Variants in PLEKHM1 observed in about 807,000 individuals in gnomAD.
The protein encoded by PLEKHM1 is pleckstrin homology and RUN domain containing M1, also known as pleckstrin homology domain-containing family M member 1.
In PLEKHM1, 28 loss-of-function variants were observed where a neutral mutation model predicts 94.3. The observed-to-expected ratio is 0.30, with a 90% CI of 0.22 to 0.41. The LOEUF (loss-of-function observed/expected upper bound fraction) is 0.41. Ranked by LOEUF, PLEKHM1 falls within the 10% of genes least tolerant of loss-of-function variation. PLEKHM1 has a pLI of 1.00. For synonymous variants in PLEKHM1, 424 were observed against 581.2 expected (o/e 0.73, Z 3.89); for missense variants, 907 against 1,358.6 (o/e 0.67, Z 5.22).
chr17:45,476,196 C>T (rs2051729913), intron 3 of PLEKHM1: 1 of 141,602 alleles, frequency 7.1e-6, no homozygotes, highest in Admixed American at 7.4e-5. Context: ...TATATTTATA[C>T]ATTATATATA....
rs758882817 is a variant in PLEKHM1, at chr17:45,437,684, C to T, written c.*174G>A. On this transcript the variant is annotated 3_prime_UTR_variant, in exon 12 of 12. Transcript: ENST00000430334. The surrounding 1 kb of genome is among the most constrained non-coding windows in gnomAD (Gnocchi z 4.0). ...GTGGGGGGAGGGCCAGGGGACACCA[C>T]GGGGACTTCCTGGGCTTTCTCTGGG... The T allele has an allele frequency of 2.9e-6, 2 of 700,632 alleles. No individual in the cohort carries two copies. Among genetic ancestry groups the T allele is most frequent in the East Asian group, 2.7e-5 (1 of 36,952 alleles). 43.4% of individuals were successfully genotyped at this position (700,632 alleles called of 1,614,324 possible).
At chr17:45,475,880 G>A in intron 3 of PLEKHM1, 154 bp from the exon 4 acceptor site, 1 of 825,656 alleles carries the variant, frequency 1.2e-6, no homozygotes, top group Non-Finnish European at 2.0e-6. Context: ...AGATGTGGTG[G>A]CTCACACCTG....
chr17:45,487,500 G>T (rs993596566), intron 1 of PLEKHM1, among the ~76,000 whole-genome samples: 6 of 152,180 alleles, frequency 3.9e-5, no homozygotes, highest in Non-Finnish European at 7.3e-5. Flanking sequence ...AAACCAACAA[G>T]AAACAGTTCT....
intron 4 of PLEKHM1, among the ~76,000 whole-genome samples, chr17:45,469,966 A>G (rs2684543): frequency 1 from 151,620 of 151,726 alleles, 75,758 homozygotes; most frequent in South Asian, 1. Context: ...CCAGCTACTC[A>G]GGAGGCTGAG....
chr17:45,437,962 C>T lies in PLEKHM1; in HGVS notation c.3067G>A (p.Glu1023Lys), dbSNP rs755134124. 14 of 1,612,928 alleles carry T rather than the reference C, an allele frequency of 8.7e-6. No individual in the cohort carries two copies. Among genetic ancestry groups the T allele is most frequent in the East Asian group, 6.7e-5 (3 of 44,892 alleles). Reference protein sequence around the residue: ...FEFDTTVRCAECKTVFHQSCQ... With the variant: ...FEFDTTVRCAKCKTVFHQSCQ... ...CTCTGGTGGAAGACGGTCTTGCACTCGGCACACCTGGGGAGAGAGCAGTAG... is the reference window on the plus strand; with the variant it reads ...CTCTGGTGGAAGACGGTCTTGCACTTGGCACACCTGGGGAGAGAGCAGTAG... The change falls in exon 12 of 12, where the codon GAG becomes AAG. Residue 1023 changes from glutamate to lysine, a missense_variant. Transcript: ENST00000430334. This position sits in a 1 kb window ranked among gnomAD's most constrained non-coding sequence, Gnocchi z 4.0.
chr17:45,469,608 G>A (rs1354347405), intron 4 of PLEKHM1, among the ~76,000 whole-genome samples: 3 of 152,220 alleles, frequency 2.0e-5, no homozygotes, highest in Non-Finnish European at 4.4e-5. Flanking sequence ...GGCTTGGACT[G>A]GGTCCAGAAG....
At chr17:45,458,654 A>G (rs192099563) in intron 5 of PLEKHM1, among the ~76,000 whole-genome samples, 1 of 151,972 alleles carries the variant, frequency 6.6e-6, no homozygotes, top group Non-Finnish European at 1.5e-5. Context: ...TATTTTTAGT[A>G]GAGGCGGGGT....
At chr17:45,438,741 G>C (rs886353047) in intron 11 of PLEKHM1, among the ~76,000 whole-genome samples, 1 of 151,928 alleles carries the variant, frequency 6.6e-6, no homozygotes, top group Non-Finnish European at 1.5e-5. Flanking sequence ...GTTTTTAGTG[G>C]AGACGGGGTT....
At chr17:45,460,970 C>T (rs1597959696) in intron 5 of PLEKHM1, among the ~76,000 whole-genome samples, 3 of 152,138 alleles carry the variant, frequency 2.0e-5, no homozygotes, top group Admixed American at 6.5e-5. Context: ...CTGCAAGCTC[C>T]GCTTCCCGGG....
intron 5 of PLEKHM1, 82 bp downstream of exon 5, chr17:45,468,127 C>T (rs906995253): frequency 6.3e-7 from 1 of 1,584,526 alleles, no homozygotes; most frequent in Non-Finnish European, 8.6e-7. Context: ...AAGGCAGAGA[C>T]CACTCAGGGT....
At chr17:45,461,410 A>G (rs1252900201) in intron 5 of PLEKHM1, among the ~76,000 whole-genome samples, 1 of 152,066 alleles carries the variant, frequency 6.6e-6, no homozygotes, top group Non-Finnish European at 1.5e-5. Context: ...TAGTTTATCT[A>G]TTTTTGTTGT....
chr17:45,435,759 A>G (rs1302288175), downstream of PLEKHM1: 8 of 359,482 alleles, frequency 2.2e-5, no homozygotes, highest in Non-Finnish European at 4.4e-5. Flanking sequence ...CCCTCTGCCT[A>G]CAAGTGTTTG....
At chr17:45,464,140 C>T (rs2051243532) in intron 5 of PLEKHM1, 1 of 152,228 alleles carries the variant, frequency 6.6e-6, no homozygotes, top group East Asian at 1.9e-4. Flanking sequence ...CCCCCAGATC[C>T]CAGACATGCA....
chr17:45,480,416 G>A (rs2051912874), intron 2 of PLEKHM1, among the ~76,000 whole-genome samples: 1 of 152,010 alleles, frequency 6.6e-6, no homozygotes, highest in Non-Finnish European at 1.5e-5. Context: ...CCTGGGAGGT[G>A]GAGTTTGTAG....
chr17:45,459,829 G>A (rs1400171086), intron 5 of PLEKHM1: 2 of 136,126 alleles, frequency 1.5e-5, no homozygotes, highest in African/African-American at 2.6e-5. Context: ...TTAAAATGGG[G>A]CTGTCTTTTT....
intron 1 of PLEKHM1, among the ~76,000 whole-genome samples, chr17:45,486,240 A>ATAT (rs1555588808): frequency 7.0e-6 from 1 of 142,862 alleles, no homozygotes; most frequent in Admixed American, 7.3e-5. Context: ...TAAAATAAAA[A>ATAT]AATAATAATA....
At chr17:45,459,084 C>T (rs1436841725) in intron 5 of PLEKHM1, among the ~76,000 whole-genome samples, 6 of 152,018 alleles carry the variant, frequency 3.9e-5, no homozygotes, top group African/African-American at 1.4e-4. Flanking sequence ...GCCGTGATCA[C>T]GCCACTGCCC....
chr17:45,462,656 T>C (rs1197213855), intron 5 of PLEKHM1, among the ~76,000 whole-genome samples: 6 of 152,118 alleles, frequency 3.9e-5, no homozygotes, highest in Admixed American at 1.3e-4. Context: ...TTTCTTGATA[T>C]CTCCAGCAAG....
intron 1 of PLEKHM1, among the ~76,000 whole-genome samples, chr17:45,484,027 C>T (rs958761379): frequency 1.3e-5 from 2 of 152,254 alleles, no homozygotes; most frequent in African/African-American, 4.8e-5. Context: ...TAGCCTCTCC[C>T]TTTTGGAGCT....
Sources: gnomAD v4.1 joint callset for allele counts (sites outside exome capture counted in the v4.1 genomes callset) on GRCh38, gnomAD v4.1.1 for gene constraint, Gnocchi (gnomAD v3.1) non-coding constraint, MANE v1.5 for transcripts, NCBI Gene and HGNC (gene_info 2026-07-23, HGNC 2026-07-21) for gene names.